The following POLR2B variants were observed in gnomAD, a reference collection of about 807,000 sequenced individuals.
POLR2B encodes DNA-directed RNA polymerase II subunit RPB2.
POLR2B carries 57 observed loss-of-function variants against 144.6 expected under a neutral mutation model. The ratio of observed to expected loss-of-function variants is 0.39; its 90% CI spans 0.32 to 0.49. POLR2B has a LOEUF of 0.49. Ranked by LOEUF, POLR2B falls within the 20% of genes least tolerant of loss-of-function variation. POLR2B has a pLI of 0.83. For synonymous variants in POLR2B, 442 were observed against 469.8 expected, an observed-to-expected ratio of 0.94 and a Z score of 0.77; for missense variants, 595 against 1,467.4, an observed-to-expected ratio of 0.41 and a Z score of 9.71.
In POLR2B at chr4:56,978,921, C is replaced by T. The variant is rs1204952766; in HGVS notation, c.-65C>T. The T allele has an allele frequency of 3.3e-6, 5 of 1,506,436 alleles. No homozygotes were observed. Among genetic ancestry groups the T allele is most frequent in the African/African-American group, 1.4e-5 (1 of 72,854 alleles). The allele number at this position is 1,506,436 out of a possible 1,614,324, so 93.3% of individuals were successfully genotyped here. ...ACTTCGTCTTTAGCTCCTGGCGCTG[C>T]TGGCTTCTGGGCGGTTTTTGTCTTT... On this transcript the variant is annotated 5_prime_UTR_variant, in exon 1 of 25. Transcript: ENST00000314595.
intron 6 of POLR2B, among the ~76,000 whole-genome samples, chr4:56,999,380 GAT>G (rs1164085911): frequency 6.6e-6 from 1 of 151,950 alleles, no homozygotes; most frequent in Non-Finnish European, 1.5e-5. Context: ...TTGGCATGCA[GAT>G]AGGAGAGAAT....
chr4:57,028,601 G>GGTTCTGCTACCCTGA (rs1334807070), intron 23 of POLR2B, among the ~76,000 whole-genome samples: 14 of 152,128 alleles, frequency 9.2e-5, no homozygotes, highest in Admixed American at 9.2e-4. Flanking sequence ...AGTAATGTTT[G>GGTTCTGCTACCCTGA]GTTCTGCTAC....
intron 9 of POLR2B, 82 bp downstream of exon 9, chr4:57,005,801 CTG>C (rs1578575077): frequency 2.3e-6 from 3 of 1,289,866 alleles, no homozygotes; most frequent in African/African-American, 1.5e-5. Context: ...CCAGGCTAAA[CTG>C]TGTTGGCATC....
chr4:56,998,575 C>T (rs890698639), intron 6 of POLR2B, among the ~76,000 whole-genome samples: 6 of 152,066 alleles, frequency 3.9e-5, no homozygotes, highest in African/African-American at 1.4e-4. Context: ...CCAGGTTGGT[C>T]TTGAAATGCT....
chr4:56,979,156 G>T, intron 1 of POLR2B, 152 bp downstream of exon 1: 1 of 819,140 alleles, frequency 1.2e-6, no homozygotes, highest in South Asian at 1.4e-5. Context: ...AACGAAACTG[G>T]GGTAGGGAGA....
chr4:56,993,249 G>GC (rs144754726), intron 3 of POLR2B, among the ~76,000 whole-genome samples: 11,619 of 152,136 alleles, frequency 0.076, 501 homozygotes, highest in African/African-American at 0.093. Flanking sequence ...GCTGCAGTGA[G>GC]CCGAGATCAC....
chr4:56,998,075 TG>T (rs961132988), intron 6 of POLR2B, among the ~76,000 whole-genome samples: 3 of 152,162 alleles, frequency 2.0e-5, no homozygotes, highest in Non-Finnish European at 4.4e-5. Context: ...GATAAAAGGA[TG>T]AGTCAATTAA....
intron 23 of POLR2B, among the ~76,000 whole-genome samples, chr4:57,026,586 C>T (rs949422961): frequency 6.6e-6 from 1 of 151,914 alleles, no homozygotes; most frequent in Non-Finnish European, 1.5e-5. Context: ...CTAATAAGCT[C>T]ATTACGTGTT....
chr4:57,021,761 A>G (rs923554474), intron 17 of POLR2B, among the ~76,000 whole-genome samples: 9 of 152,208 alleles, frequency 5.9e-5, no homozygotes, highest in African/African-American at 2.2e-4. Context: ...CGGCTTCCCA[A>G]AGTGCTAGGA....
At chr4:56,996,205 C>CGTGTGTGTGTGTGTGTGTGT (rs1325314185) in intron 6 of POLR2B, among the ~76,000 whole-genome samples, 6 of 41,156 alleles carry the variant, frequency 1.5e-4, no homozygotes, top group Admixed American at 3.6e-4. Context: ...TATTTCAGTT[C>CGTGTGTGTGTGTGTGTGTGT]ATGTGTGTGT....
At chr4:56,995,203 A>T in intron 5 of POLR2B, 48 bp from the exon 6 acceptor site, 1 of 1,398,900 alleles carries the variant, frequency 7.1e-7, no homozygotes, top group Non-Finnish European at 9.9e-7. Flanking sequence ...TTTTCTCTTC[A>T]GTGATGTTTT....
chr4:57,023,987 T>C lies in POLR2B; in HGVS notation c.2857-18T>C. The C allele has an allele frequency of 7.0e-7, 1 of 1,433,638 alleles. No individual in the cohort carries two copies. The highest frequency in any genetic ancestry group is 1.3e-5 in the South Asian group (1 of 79,392). 88.8% of individuals were successfully genotyped at this position (1,433,638 alleles called of 1,614,324 possible). On this transcript the variant is annotated intron_variant, in intron 20 of 24. Coordinates refer to ENST00000314595, the MANE Select transcript of POLR2B (RefSeq NM_000938.3). This position sits in a 1 kb window ranked among gnomAD's most constrained non-coding sequence, Gnocchi z 4.3. ...AGTATATGTATCTTTGAGTCCCTTT[T>C]AAAATTTTTCTTTGTAGGATATGCC...
intron 7 of POLR2B, 55 bp downstream of exon 7, chr4:56,999,836 G>A: frequency 1.6e-6 from 2 of 1,252,564 alleles, no homozygotes; most frequent in East Asian, 2.3e-5. Flanking sequence ...TAGAGTTACT[G>A]ATTGTTGCTA....
At chr4:57,022,090 T>C (rs1723571051) in intron 17 of POLR2B, 62 bp from the exon 18 acceptor site, 3 of 891,588 alleles carry the variant, frequency 3.4e-6, no homozygotes, top group Non-Finnish European at 5.3e-6. Context: ...AAATTGTTGG[T>C]ATAGTCTCAG....
intron 9 of POLR2B, 64 bp from the exon 10 acceptor site, chr4:57,006,750 TCC>T: frequency 7.7e-7 from 1 of 1,295,818 alleles, no homozygotes; most frequent in Admixed American, 2.1e-5. Flanking sequence ...TTTGCAATAT[TCC>T]TCCTGTTGAG....
chr4:57,005,724 G>A lies in POLR2B; in HGVS notation c.1217+5G>A, dbSNP rs1444411228. On this transcript the variant is annotated splice_donor_5th_base_variant and intron_variant, in intron 9 of 24. Transcript: ENST00000314595. ...GCTTGCATTCTTATTTAGAGGGTAA[G>A]GAATTACAGAATGAAGTCATTAAAG... 1 of 1,607,378 alleles carries A rather than the reference G, an allele frequency of 6.2e-7. No individual in the cohort carries two copies. The highest frequency in any genetic ancestry group is 8.5e-7 in the Non-Finnish European group (1 of 1,177,876).
At chr4:57,008,788 G>A (rs894664334) in intron 10 of POLR2B, among the ~76,000 whole-genome samples, 2 of 152,184 alleles carry the variant, frequency 1.3e-5, no homozygotes, top group Admixed American at 6.5e-5. Context: ...CCCAAGTTGC[G>A]AGGTAGGTAG....
intron 18 of POLR2B, among the ~76,000 whole-genome samples, chr4:57,022,630 C>G (rs1406580268): frequency 6.6e-6 from 1 of 152,124 alleles, no homozygotes; most frequent in African/African-American, 2.4e-5. Flanking sequence ...TAAAAAATAA[C>G]CAGTGAGAAG....
chr4:57,016,942 A>G, intron 14 of POLR2B, 101 bp from the exon 15 acceptor site: 1 of 335,514 alleles, frequency 3.0e-6, no homozygotes, highest in East Asian at 5.6e-5. Flanking sequence ...AATATATAAT[A>G]TTAAACTTAT....
Sources: gnomAD v4.1 joint callset for allele counts (sites outside exome capture counted in the v4.1 genomes callset) on GRCh38, gnomAD v4.1.1 for gene constraint, Gnocchi (gnomAD v3.1) non-coding constraint, MANE v1.5 for transcripts, NCBI Gene and HGNC (gene_info 2026-07-23, HGNC 2026-07-21) for gene names.